The following NRG2 variants were observed in gnomAD, a reference collection of about 807,000 sequenced individuals.
NRG2 encodes pro-neuregulin-2, membrane-bound isoform.
NRG2 carries 27 observed loss-of-function variants against 73.9 expected under a neutral mutation model. The ratio of observed to expected loss-of-function variants is 0.37; its 90% CI spans 0.27 to 0.50. The LOEUF (loss-of-function observed/expected upper bound fraction) is 0.50, where lower values mean the gene tolerates loss of function less well. Among genes scored for constraint, NRG2 ranks in the 20% least tolerant of loss-of-function variants. The pLI is 0.96. For missense variants in NRG2, 1,126 were observed against 1,210.1 expected (o/e 0.93, Z 1.03); for synonymous variants, 532 against 541.0 (o/e 0.98, Z 0.23).
intron 2 of NRG2, among the ~76,000 whole-genome samples, chr5:139,885,239 A>T (rs1279736844): frequency 6.6e-6 from 1 of 152,190 alleles, no homozygotes; most frequent in Non-Finnish European, 1.5e-5. Flanking sequence ...GAAAATAGTG[A>T]GGCCCAAAGC....
At chr5:140,027,744 A>G (rs1760813209) in intron 1 of NRG2, among the ~76,000 whole-genome samples, 1 of 152,202 alleles carries the variant, frequency 6.6e-6, no homozygotes, top group Non-Finnish European at 1.5e-5. Context: ...TCGCACATCC[A>G]CTGGGGGTGG....
At chr5:139,926,927 C>T (rs1752103675) in intron 1 of NRG2, among the ~76,000 whole-genome samples, 1 of 152,216 alleles carries the variant, frequency 6.6e-6, no homozygotes. Context: ...TGGGCCCCAT[C>T]TGTGAAGTGT....
At chr5:139,945,038 T>C (rs926742070) in intron 1 of NRG2, among the ~76,000 whole-genome samples, 4 of 152,128 alleles carry the variant, frequency 2.6e-5, no homozygotes, top group Non-Finnish European at 5.9e-5. Context: ...TGTGTGGCCT[T>C]TTGTATGTCT....
intron 1 of NRG2, among the ~76,000 whole-genome samples, chr5:139,934,109 G>T (rs949366453): frequency 6.6e-6 from 1 of 152,284 alleles, no homozygotes; most frequent in Non-Finnish European, 1.5e-5. Flanking sequence ...TGAGGTGGGA[G>T]GATTGCTTGA....
intron 1 of NRG2, among the ~76,000 whole-genome samples, chr5:140,039,322 T>C (rs1048515396): frequency 4.6e-5 from 7 of 152,228 alleles, no homozygotes; most frequent in Admixed American, 2.6e-4. Flanking sequence ...ACAGAATTGC[T>C]AATCCCTGCA....
chr5:139,970,873 C>G (rs1755913262), intron 1 of NRG2, among the ~76,000 whole-genome samples: 1 of 152,204 alleles, frequency 6.6e-6, no homozygotes, highest in Admixed American at 6.5e-5. Flanking sequence ...TTAGTTAGCA[C>G]TATCCATGAA....
intron 2 of NRG2, among the ~76,000 whole-genome samples, chr5:139,885,937 C>A (rs533170914): frequency 2.6e-5 from 4 of 152,162 alleles, no homozygotes; most frequent in African/African-American, 9.6e-5. Flanking sequence ...CTCCAAGAAG[C>A]CTGCCCATTC....
At chr5:140,014,932 T>C (rs1275359996) in intron 1 of NRG2, among the ~76,000 whole-genome samples, 1 of 152,252 alleles carries the variant, frequency 6.6e-6, no homozygotes, top group African/African-American at 2.4e-5. Context: ...CATTCTACTG[T>C]AGCCATATGG....
At chr5:140,012,093 G>C (rs1000182393) in intron 1 of NRG2, among the ~76,000 whole-genome samples, 2 of 152,116 alleles carry the variant, frequency 1.3e-5, no homozygotes, top group African/African-American at 4.8e-5. Context: ...ACTTCAGTGT[G>C]CCCCAGTCTC....
In NRG2 at chr5:139,848,012, T is replaced by C. The variant is rs549316633; in HGVS notation, c.2458A>G (p.Thr820Ala). 9 of 1,512,572 alleles carry C rather than the reference T, an allele frequency of 6.0e-6. No individual in the cohort carries two copies. The highest frequency in any genetic ancestry group is 2.7e-5 in the East Asian group (1 of 36,908). 93.7% of individuals were successfully genotyped at this position (1,512,572 alleles called of 1,614,324 possible). The change falls in exon 10 of 10, where the codon ACT becomes GCT. Residue 820 changes from threonine to alanine, a missense_variant. Thr to Ala is a moderately conservative substitution (Grantham distance 58). Coordinates refer to ENST00000361474, the MANE Select transcript of NRG2 (RefSeq NM_004883.3). ...CTGTGGCTGTCCAGTGAGTAGTAAG[T>C]CCTGCTGTCGGCCGCCGGGCACAGT... is the stretch of plus-strand genomic sequence containing the variant. ...PPLCPAADSR[T>A]YYSLDSHSTR...
chr5:139,986,012 C>T (rs1008427715), intron 1 of NRG2, among the ~76,000 whole-genome samples: 1 of 152,178 alleles, frequency 6.6e-6, no homozygotes, highest in Non-Finnish European at 1.5e-5. Context: ...AGCTGCTTCT[C>T]ACAGCAGGGT....
At chr5:139,994,517 G>A (rs1309473533) in intron 1 of NRG2, among the ~76,000 whole-genome samples, 4 of 152,292 alleles carry the variant, frequency 2.6e-5, no homozygotes, top group South Asian at 4.1e-4. Flanking sequence ...GTTGTTTAAC[G>A]GGTATAGAGT....
At chr5:139,973,156 CAAA>C (rs58053481) in intron 1 of NRG2, among the ~76,000 whole-genome samples, 5,422 of 89,350 alleles carry the variant, frequency 0.061, 93 homozygotes, top group African/African-American at 0.074. Context: ...TAAGAATATG[CAAA>C]AAAAAAAAAA....
intron 1 of NRG2, among the ~76,000 whole-genome samples, chr5:139,988,894 AT>A (rs1757371311): frequency 6.6e-6 from 1 of 152,006 alleles, no homozygotes; most frequent in African/African-American, 2.4e-5. Flanking sequence ...CAGAGGCCAT[AT>A]GGGAAATCTC....
rs139671463 is a variant in NRG2, at chr5:139,985,332, T to A, written c.700+57038A>T. Among the ~76,000 whole-genome samples the A allele has an allele frequency of 5.5e-5, 8 of 145,478 alleles. No homozygotes were observed. The East Asian group carries it at 1.4e-3, about 25-fold the overall frequency. ...TCTAGCCTGGGTGACAGAGCAAGAC[T>A]CGGTCTCAAAAAAAAAAAAAAAAAG... On this transcript the variant is annotated intron_variant, in intron 1 of 9. Transcript: ENST00000361474.
chr5:139,967,105 T>C (rs530152551), intron 1 of NRG2, among the ~76,000 whole-genome samples: 9 of 152,168 alleles, frequency 5.9e-5, no homozygotes, highest in African/African-American at 1.7e-4. Flanking sequence ...GTCTCCACAC[T>C]GCATAGCCCA....
chr5:139,938,916 A>G (rs1020134365), intron 1 of NRG2, among the ~76,000 whole-genome samples: 29 of 126,672 alleles, frequency 2.3e-4, no homozygotes, highest in African/African-American at 3.0e-4. Context: ...AAAGAAAGAA[A>G]GAAAGAAAGA....
intron 2 of NRG2, among the ~76,000 whole-genome samples, chr5:139,884,056 G>A (rs1763713534): frequency 1.3e-5 from 2 of 152,334 alleles, no homozygotes; most frequent in East Asian, 3.9e-4. Flanking sequence ...ACACCCAGGA[G>A]AGGAGGGCTA....
intron 1 of NRG2, among the ~76,000 whole-genome samples, chr5:139,981,851 A>G (rs908878092): frequency 6.6e-6 from 1 of 152,222 alleles, no homozygotes; most frequent in African/African-American, 2.4e-5. Flanking sequence ...GCAAGCTCCC[A>G]GTATCTGCCC....
Sources: allele counts gnomAD v4.1 joint callset (sites outside exome capture counted in the v4.1 genomes callset), GRCh38; gene constraint gnomAD v4.1.1; transcripts MANE v1.5; gene names NCBI Gene and HGNC (gene_info 2026-07-23, HGNC 2026-07-21).